The following DOCK1 variants were observed in gnomAD, a reference collection of about 807,000 sequenced individuals.
DOCK1 encodes the protein dedicator of cytokinesis protein 1.
A neutral mutation model predicts 262.7 loss-of-function variants in DOCK1; 138 were observed. The observed-to-expected ratio is 0.53, with a 90% CI of 0.46 to 0.61. The LOEUF is 0.61. DOCK1 is among the 20% of genes least tolerant of loss of function. DOCK1 has a pLI of 0.00. For missense variants in DOCK1, 1,908 were observed against 2,370.7 expected, an observed-to-expected ratio of 0.80 and a Z score of 4.05; for synonymous variants, 866 against 867.4, an observed-to-expected ratio of 1.00 and a Z score of 0.03.
intron 1 of DOCK1, among the ~76,000 whole-genome samples, chr10:126,937,988 C>CTTAG (rs2034669216): frequency 1.3e-5 from 2 of 151,722 alleles, no homozygotes; most frequent in Non-Finnish European, 2.9e-5. Flanking sequence ...AGCTCTTGTG[C>CTTAG]TTAGGCCTTC....
intron 1 of DOCK1, among the ~76,000 whole-genome samples, chr10:126,956,237 C>CGT (rs2134466792): frequency 6.6e-6 from 1 of 152,372 alleles, no homozygotes; most frequent in Admixed American, 6.5e-5. Flanking sequence ...TGTGCAAACA[C>CGT]ATCTGAGCAG....
chr10:127,356,088 C>T (rs895846690), intron 32 of DOCK1, among the ~76,000 whole-genome samples: 8 of 152,220 alleles, frequency 5.3e-5, no homozygotes, highest in African/African-American at 1.7e-4. Context: ...TGCTAGGTCT[C>T]TGCACATGAT....
chr10:127,212,344 G>A (rs1238789709), intron 27 of DOCK1, among the ~76,000 whole-genome samples: 1 of 152,172 alleles, frequency 6.6e-6, no homozygotes, highest in Non-Finnish European at 1.5e-5. Context: ...ATCAAGAAAA[G>A]TGAGACTTTA....
At chr10:126,943,622 A>T (rs1388877611) in intron 1 of DOCK1, among the ~76,000 whole-genome samples, 1 of 152,306 alleles carries the variant, frequency 6.6e-6, no homozygotes, top group African/African-American at 2.4e-5. Context: ...TGGCCCTGGG[A>T]TACAATAGGG....
At chr10:127,074,168 A>G (rs1038199179) in intron 23 of DOCK1, among the ~76,000 whole-genome samples, 4 of 152,248 alleles carry the variant, frequency 2.6e-5, no homozygotes, top group Admixed American at 2.0e-4. Flanking sequence ...TTATGATAGA[A>G]TAAATTACTT....
chr10:127,286,063 C>G (rs10734095), intron 29 of DOCK1, among the ~76,000 whole-genome samples: 92,194 of 151,880 alleles, frequency 0.61, 29,050 homozygotes, highest in African/African-American at 0.77. Flanking sequence ...CAGCCCGATG[C>G]GTCTACTGCA....
intron 29 of DOCK1, among the ~76,000 whole-genome samples, chr10:127,264,001 A>G (rs866861461): frequency 1.3e-5 from 2 of 152,318 alleles, no homozygotes; most frequent in Middle Eastern, 3.4e-3. Context: ...ACCGTTTCTT[A>G]TTAACTGCTT....
chr10:127,044,310 G>A (rs1430223945), intron 21 of DOCK1, among the ~76,000 whole-genome samples: 3 of 152,128 alleles, frequency 2.0e-5, no homozygotes, highest in Admixed American at 6.5e-5. Flanking sequence ...TATCTGCCTC[G>A]TGTGCGTGTT....
At chr10:126,985,887 C>G (rs917658666) in intron 4 of DOCK1, among the ~76,000 whole-genome samples, 1 of 152,088 alleles carries the variant, frequency 6.6e-6, no homozygotes, top group Non-Finnish European at 1.5e-5. Context: ...CTTTGTTGCC[C>G]AGGCTGGAGT....
At chr10:127,315,512 A>G (rs2062237641) in intron 29 of DOCK1, among the ~76,000 whole-genome samples, 1 of 152,132 alleles carries the variant, frequency 6.6e-6, no homozygotes, top group Admixed American at 6.5e-5. Context: ...GAATGAAACC[A>G]ACACATCTCA....
intron 27 of DOCK1, among the ~76,000 whole-genome samples, chr10:127,236,212 CTA>C (rs1366805300): frequency 1.3e-5 from 2 of 151,992 alleles, no homozygotes; most frequent in Admixed American, 6.6e-5. Flanking sequence ...CAAAAGTTTT[CTA>C]TGTTTTCTTT....
At chr10:126,925,490 T>C (rs1250062417) in intron 1 of DOCK1, among the ~76,000 whole-genome samples, 1 of 152,198 alleles carries the variant, frequency 6.6e-6, no homozygotes, top group South Asian at 2.1e-4. Flanking sequence ...TTCAAGCAAT[T>C]ATCTTGCCTC....
chr10:127,047,808 T>G (rs2044448731), intron 21 of DOCK1, among the ~76,000 whole-genome samples: 1 of 152,244 alleles, frequency 6.6e-6, no homozygotes, highest in Non-Finnish European at 1.5e-5. Context: ...CTCTTGAGAT[T>G]CATGCATGTT....
At chr10:127,118,303 G>A (rs2049316335) in intron 25 of DOCK1, among the ~76,000 whole-genome samples, 1 of 151,976 alleles carries the variant, frequency 6.6e-6, no homozygotes. Flanking sequence ...TTCTCACACA[G>A]TGTTTTCTGC....
rs369780032 is a variant in DOCK1 at position 127,244,232 on chromosome 10, T to C, written c.2848-3776T>C. 3.7e-4 allele frequency among the ~76,000 whole-genome samples: 56 copies of C among 152,324 alleles called. No individual in the cohort carries two copies. The East Asian group carries it at 9.3e-3, about 25-fold the overall frequency. ...CGTTTGGGACATATTTATTTTTCTT[T>C]GTTTATCTGAGATTCAAATGGAACT... is the stretch of plus-strand genomic sequence containing the variant. On this transcript the variant is annotated intron_variant, in intron 27 of 51. Transcript: ENST00000623213.
intron 29 of DOCK1, among the ~76,000 whole-genome samples, chr10:127,320,937 C>T (rs1433333316): frequency 6.6e-6 from 1 of 151,968 alleles, no homozygotes; most frequent in Non-Finnish European, 1.5e-5. Context: ...TCTGTTTTGT[C>T]CTTCACAGCC....
chr10:127,166,786 A>T (rs564201829), intron 27 of DOCK1, among the ~76,000 whole-genome samples: 63 of 151,966 alleles, frequency 4.1e-4, no homozygotes, highest in African/African-American at 1.4e-3. Flanking sequence ...TTTTTTTTTT[A>T]AATCCAAATT....
chr10:127,118,086 G>GT lies in DOCK1; in HGVS notation c.2624-7381dup, dbSNP rs200010899. The stretch of plus-strand genomic sequence containing the variant: ...CAGGACCACATGGGCCAAGACCTAT[G>GT]TTTTTTTGCTACCTTTATTCTCCTG... On this transcript the variant is annotated intron_variant, in intron 25 of 51. Transcript: ENST00000623213. Among the ~76,000 whole-genome samples, 160 of 152,194 alleles carry GT rather than the reference G, an allele frequency of 1.1e-3. 3 individuals carry two copies. The East Asian group carries it at 0.03, about 28-fold the overall frequency.
chr10:127,390,346 C>G (rs182669664), intron 38 of DOCK1, among the ~76,000 whole-genome samples: 76 of 152,224 alleles, frequency 5.0e-4, no homozygotes, highest in African/African-American at 1.4e-3. Flanking sequence ...CTTTCTAAGA[C>G]CAAGTACAAA....
Sources: allele counts gnomAD v4.1 joint callset (sites outside exome capture counted in the v4.1 genomes callset), GRCh38; gene constraint gnomAD v4.1.1; transcripts MANE v1.5; gene names NCBI Gene and HGNC (gene_info 2026-07-23, HGNC 2026-07-21).